The following NFIB variants were observed in gnomAD, a reference collection of about 807,000 sequenced individuals.
NFIB encodes nuclear factor I B.
NFIB carries 11 observed loss-of-function variants against 61.5 expected under a neutral mutation model. The observed-to-expected ratio is 0.18, with a 90% CI of 0.11 to 0.30. The LOEUF (loss-of-function observed/expected upper bound fraction) is 0.30, where lower values mean the gene tolerates loss of function less well. Among genes scored for constraint, NFIB ranks in the 10% least tolerant of loss-of-function variants. The pLI, the probability that NFIB is intolerant of heterozygous loss-of-function variation, is 1.00. For synonymous variants in NFIB, 260 were observed against 216.5 expected (o/e 1.20, Z -1.76); for missense variants, 471 against 608.9 (o/e 0.77, Z 2.38).
intron 4 of NFIB, among the ~76,000 whole-genome samples, chr9:14,155,322 T>C (rs1587106669): frequency 6.6e-6 from 1 of 152,172 alleles, no homozygotes; most frequent in Non-Finnish European, 1.5e-5. Context: ...TTGGACATTG[T>C]TTTGGATAAC....
chr9:14,280,275 C>T (rs1014149142), intron 2 of NFIB, among the ~76,000 whole-genome samples: 1 of 152,182 alleles, frequency 6.6e-6, no homozygotes, highest in Middle Eastern at 3.4e-3. Context: ...TCTGTTCTTT[C>T]GTTCCCTCAC....
At chr9:14,520,714 G>T in the NFIB span, among the ~76,000 whole-genome samples, 11 of 152,084 alleles carry the variant, frequency 7.2e-5, no homozygotes, top group Admixed American at 5.9e-4. Flanking sequence ...CCCATTAGCA[G>T]GTCAAGATAT....
chr9:14,455,688 A>G, the NFIB span, among the ~76,000 whole-genome samples: 1 of 152,108 alleles, frequency 6.6e-6, no homozygotes, highest in Non-Finnish European at 1.5e-5. Flanking sequence ...ATGTACCATC[A>G]AAAAAAGGGC....
At chr9:14,339,112 C>G (rs568725649) in intron 1 of NFIB, among the ~76,000 whole-genome samples, 14 of 152,254 alleles carry the variant, frequency 9.2e-5, no homozygotes, top group African/African-American at 3.1e-4. Flanking sequence ...TTGTTCAAAT[C>G]TAGAAATTGC....
chr9:14,388,497 G>C (rs1253657990), intron 1 of NFIB, among the ~76,000 whole-genome samples: 1 of 151,188 alleles, frequency 6.6e-6, no homozygotes, highest in East Asian at 1.9e-4. Flanking sequence ...GAGAGAGAGA[G>C]AGAAAGTAAG....
At chr9:14,330,746 G>A (rs1027350164) in intron 1 of NFIB, among the ~76,000 whole-genome samples, 8 of 151,988 alleles carry the variant, frequency 5.3e-5, no homozygotes, top group African/African-American at 9.7e-5. Flanking sequence ...GAGTCAACAC[G>A]GTGAATAATT....
intron 1 of NFIB, among the ~76,000 whole-genome samples, chr9:14,374,648 G>A (rs1053686601): frequency 6.6e-6 from 1 of 152,190 alleles, no homozygotes; most frequent in Non-Finnish European, 1.5e-5. Context: ...AGAGGCTCAC[G>A]CCTGTAGTCC....
chr9:14,220,884 CA>C (rs1563916083), intron 2 of NFIB, among the ~76,000 whole-genome samples: 14 of 148,298 alleles, frequency 9.4e-5, no homozygotes, highest in African/African-American at 3.5e-4. Flanking sequence ...CACACACACA[CA>C]CCACATCCCA....
upstream of NFIB, among the ~76,000 whole-genome samples, chr9:14,315,899 C>T (rs1204560591): frequency 2.1e-4 from 32 of 151,450 alleles, no homozygotes; most frequent in Admixed American, 2.1e-3. Context: ...CTGGGGCTAC[C>T]GGGTCCTCGC....
At chr9:14,509,538 T>C in the NFIB span, among the ~76,000 whole-genome samples, 1 of 152,220 alleles carries the variant, frequency 6.6e-6, no homozygotes. Flanking sequence ...ACTACTATCA[T>C]AAGCCAACAA....
chr9:14,243,016 T>C (rs560482010), intron 2 of NFIB, among the ~76,000 whole-genome samples: 9 of 152,332 alleles, frequency 5.9e-5, no homozygotes, highest in South Asian at 4.1e-4. Context: ...GATATATCTA[T>C]ATTAAACTGC....
At position 14,231,132 on chromosome 9, in the gene NFIB, AAAAATATATATATATATAT is replaced by A. The variant is rs1238861802; in HGVS notation, c.563-51371_563-51353del. On this transcript the variant is annotated intron_variant, in intron 2 of 10. Transcript: ENST00000380953. ...GTTTTTCCATGGGGAAAAAAAAAAAAAAAATATATATATATATATATATATATATATATATTCGTTGAGA... is the reference window on the plus strand; with the variant it reads ...GTTTTTCCATGGGGAAAAAAAAAAAAATATATATATATATATTCGTTGAGA... 2.8e-4 allele frequency among the ~76,000 whole-genome samples: 26 copies of A among 93,206 alleles called. No individual in the cohort carries two copies. The East Asian group carries it at 6.9e-3, about 25-fold the overall frequency. 61.1% of individuals were successfully genotyped at this position (93,206 alleles called of 152,430 possible).
At chr9:14,181,692 T>C (rs1008591219) in intron 2 of NFIB, among the ~76,000 whole-genome samples, 2 of 152,236 alleles carry the variant, frequency 1.3e-5, no homozygotes, top group Admixed American at 1.3e-4. Flanking sequence ...GTTTAATTTC[T>C]CAAGCGATTC....
intron 2 of NFIB, among the ~76,000 whole-genome samples, chr9:14,297,036 C>T (rs1268517900): frequency 6.6e-6 from 1 of 152,230 alleles, no homozygotes; most frequent in Non-Finnish European, 1.5e-5. Flanking sequence ...CCCCTGCTCC[C>T]TGCCCACACA....
chr9:14,291,277 G>C (rs781201075), intron 2 of NFIB, among the ~76,000 whole-genome samples: 1 of 151,980 alleles, frequency 6.6e-6, no homozygotes, highest in East Asian at 1.9e-4. Flanking sequence ...TCGAGGTCAG[G>C]TGTTCACAAC....
intron 2 of NFIB, among the ~76,000 whole-genome samples, chr9:14,285,373 C>T (rs1420950562): frequency 2.6e-5 from 4 of 152,190 alleles, no homozygotes; most frequent in Non-Finnish European, 5.9e-5. Flanking sequence ...TCCCCCACCT[C>T]GGCCTCCCAA....
At chr9:14,215,704 C>G (rs534818245) in intron 2 of NFIB, among the ~76,000 whole-genome samples, 1 of 152,312 alleles carries the variant, frequency 6.6e-6, no homozygotes, top group South Asian at 2.1e-4. Context: ...GAAAACCAGT[C>G]TAGCTTCCTA....
intron 6 of NFIB, among the ~76,000 whole-genome samples, chr9:14,126,802 C>CA (rs2039712234): frequency 1.3e-5 from 2 of 152,180 alleles, no homozygotes; most frequent in Non-Finnish European, 2.9e-5. Flanking sequence ...CTGGCCAAAA[C>CA]AGAGACAGAA....
the NFIB span, among the ~76,000 whole-genome samples, chr9:14,439,514 T>C: frequency 6.6e-6 from 1 of 152,114 alleles, no homozygotes; most frequent in African/African-American, 2.4e-5. Context: ...CTTAGAAGAG[T>C]GTCTGGTACT....
Sources: gnomAD v4.1 joint callset for allele counts (sites outside exome capture counted in the v4.1 genomes callset) on GRCh38, gnomAD v4.1.1 for gene constraint, MANE v1.5 for transcripts, NCBI Gene and HGNC (gene_info 2026-07-23, HGNC 2026-07-21) for gene names.